Variants in KIAA1217 observed in about 807,000 individuals in gnomAD.
KIAA1217 encodes the protein KIAA1217.
Under a neutral mutation model 163.9 loss-of-function variants are expected in KIAA1217, and 88 were observed. The observed-to-expected ratio is 0.54, with a 90% CI of 0.45 to 0.64. KIAA1217 has a LOEUF of 0.64. Among genes scored for constraint, KIAA1217 ranks in the 30% least tolerant of loss-of-function variants. The pLI, the probability that KIAA1217 is intolerant of heterozygous loss-of-function variation, is 0.00. For missense variants in KIAA1217, 2,372 were observed against 2,475.0 expected (o/e 0.96, Z 0.88); for synonymous variants, 903 against 923.1 (o/e 0.98, Z 0.39).
At chr10:24,324,667 T>C (rs755014434) in intron 2 of KIAA1217, among the ~76,000 whole-genome samples, 5 of 152,156 alleles carry the variant, frequency 3.3e-5, no homozygotes, top group Non-Finnish European at 7.3e-5. Flanking sequence ...GACTCTTGGA[T>C]TTTTCCCCCT....
At chr10:24,450,955 G>A (rs1300622977) in intron 5 of KIAA1217, among the ~76,000 whole-genome samples, 1 of 152,136 alleles carries the variant, frequency 6.6e-6, no homozygotes, top group East Asian at 1.9e-4. Context: ...GTGGCTTCAG[G>A]ATAAACTATT....
At chr10:24,272,547 T>G (rs757395072) in intron 2 of KIAA1217, among the ~76,000 whole-genome samples, 6 of 152,194 alleles carry the variant, frequency 3.9e-5, no homozygotes, top group Non-Finnish European at 7.3e-5. Context: ...AAGAAAATAC[T>G]AAGGTTGACT....
Position 23,982,453 on chromosome 10 carries a change from T to TTTCCCTA in KIAA1217, c.-320-24771_-320-24765dup, listed in dbSNP as rs1411263542. On this transcript the variant is annotated intron_variant, in intron 1 of 18. Transcript: ENST00000376462. ...CAAGAGACCCAAAGCCAGTGTGAGA[T>TTTCCCTA]TTCCCTAAAGTCTTGTGTTTTATCT... Among the ~76,000 whole-genome samples, 3 of 152,056 alleles carry TTTCCCTA rather than the reference T, an allele frequency of 2.0e-5. No homozygotes were observed. The East Asian group carries it at 5.8e-4, about 29-fold the overall frequency.
intron 1 of KIAA1217, among the ~76,000 whole-genome samples, chr10:23,940,460 C>CAAAAAAAAAAAAAAAAAAAAAA (rs760090400): frequency 4.3e-5 from 2 of 46,038 alleles, no homozygotes; most frequent in Admixed American, 2.7e-4. Context: ...GACTCCGTCT[C>CAAAAAAAAAAAAAAAAAAAAAA]AAAAAAAAAA....
At chr10:23,866,625 G>C (rs988455499) in intron 1 of KIAA1217, among the ~76,000 whole-genome samples, 62 of 151,822 alleles carry the variant, frequency 4.1e-4, no homozygotes, top group African/African-American at 1.4e-3. Context: ...CCCTACCCCT[G>C]CTTGGGAGAG....
chr10:24,326,091 A>G (rs2044843330), intron 2 of KIAA1217, among the ~76,000 whole-genome samples: 1 of 152,180 alleles, frequency 6.6e-6, no homozygotes, highest in South Asian at 2.1e-4. Context: ...AAGCAACACT[A>G]TAAAGGCCTT....
intron 2 of KIAA1217, among the ~76,000 whole-genome samples, chr10:24,302,361 A>G (rs756893770): frequency 4.6e-5 from 7 of 152,152 alleles, no homozygotes; most frequent in Admixed American, 6.5e-5. Context: ...CTGAATGCAC[A>G]TTCTTCTTGA....
Position 24,426,018 on chromosome 10 carries a change from G to A in KIAA1217, c.554-6977G>A, listed in dbSNP as rs140592668. Among the ~76,000 whole-genome samples the A allele has an allele frequency of 5.3e-5, 8 of 152,208 alleles. No individual in the cohort carries two copies. In the East Asian group the frequency reaches 1.5e-3, roughly 29 times the overall value. The stretch of plus-strand genomic sequence containing the variant: ...CAATAAGAATCCTTTATATATTTAA[G>A]GCATTAGCCATTTGCCACTGGTATT... On this transcript the variant is annotated intron_variant, in intron 3 of 20. Coordinates refer to ENST00000376454, the MANE Select transcript of KIAA1217 (RefSeq NM_019590.5).
intron 2 of KIAA1217, among the ~76,000 whole-genome samples, chr10:24,099,169 T>C (rs917595238): frequency 2.0e-5 from 3 of 151,082 alleles, no homozygotes; most frequent in Non-Finnish European, 4.4e-5. Context: ...TTATTTTTAT[T>C]TTTTTCTCCT....
rs116452847 is a variant in KIAA1217 at position 23,999,852 on chromosome 10, G to A, written c.-320-7373G>A. ...AGGCGAGAGGATCGCTTGAGCCCAG[G>A]AATTTGAGACCAGACTAGACAACAT... On this transcript the variant is annotated intron_variant, in intron 1 of 18. Coordinates refer to the KIAA1217 transcript ENST00000376462. 8.2e-3 allele frequency among the ~76,000 whole-genome samples: 1,249 copies of A among 152,140 alleles called. 16 individuals are homozygous for A. The highest frequency in any genetic ancestry group is 0.028 in the African/African-American group (1,178 of 41,502).
At chr10:24,413,161 G>A (rs1389670193) in intron 3 of KIAA1217, among the ~76,000 whole-genome samples, 2 of 152,064 alleles carry the variant, frequency 1.3e-5, no homozygotes, top group Non-Finnish European at 2.9e-5. Context: ...ACTCCTGGTG[G>A]TCTCTTGAGT....
chr10:23,933,729 A>G (rs1221167201), intron 1 of KIAA1217, among the ~76,000 whole-genome samples: 2 of 152,230 alleles, frequency 1.3e-5, no homozygotes, highest in Non-Finnish European at 2.9e-5. Context: ...AGGGCAAAGG[A>G]TATGAACTGA....
At chr10:23,860,771 T>C (rs961789229) in intron 1 of KIAA1217, among the ~76,000 whole-genome samples, 7 of 152,280 alleles carry the variant, frequency 4.6e-5, no homozygotes, top group African/African-American at 1.7e-4. Flanking sequence ...AAAATGTTCT[T>C]GTGTATTTTT....
intron 2 of KIAA1217, among the ~76,000 whole-genome samples, chr10:24,300,056 C>T (rs1411814161): frequency 6.6e-6 from 1 of 152,186 alleles, no homozygotes; most frequent in East Asian, 1.9e-4. Context: ...AGAGGGTAGT[C>T]ACCAACCTTT....
At chr10:24,207,267 T>TTCTCTC (rs143092137), upstream of KIAA1217, among the ~76,000 whole-genome samples, 9 of 121,196 alleles carry the variant, frequency 7.4e-5, no homozygotes, top group African/African-American at 2.5e-4. Context: ...GCTACAGTGT[T>TTCTCTC]TCTCTCTCTC....
intron 1 of KIAA1217, among the ~76,000 whole-genome samples, chr10:23,721,473 C>A (rs55759347): frequency 6.6e-6 from 1 of 151,952 alleles, no homozygotes; most frequent in African/African-American, 2.4e-5. Flanking sequence ...CTCATAGCAT[C>A]TTTTTCCTTT....
At chr10:24,329,149 A>G (rs2045333160) in intron 2 of KIAA1217, among the ~76,000 whole-genome samples, 1 of 148,040 alleles carries the variant, frequency 6.8e-6, no homozygotes, top group South Asian at 2.1e-4. Context: ...AAATATATAC[A>G]TAGTTTATAT....
intron 1 of KIAA1217, among the ~76,000 whole-genome samples, chr10:23,938,091 G>T (rs896773820): frequency 9.2e-5 from 14 of 152,294 alleles, no homozygotes; most frequent in African/African-American, 3.4e-4. Context: ...CTTCTGCTTA[G>T]TATAACCAGC....
chr10:24,225,068 G>A (rs1202926761), intron 2 of KIAA1217, among the ~76,000 whole-genome samples: 8 of 152,026 alleles, frequency 5.3e-5, no homozygotes, highest in Admixed American at 4.6e-4. Flanking sequence ...ATTGTGATCT[G>A]CCCGCCTTGG....
Sources: gnomAD v4.1 joint callset for allele counts (sites outside exome capture counted in the v4.1 genomes callset) on GRCh38, gnomAD v4.1.1 for gene constraint, MANE v1.5 for transcripts, NCBI Gene and HGNC (gene_info 2026-07-23, HGNC 2026-07-21) for gene names.